NLGN1: variants seen among roughly 807,000 people sequenced by gnomAD.
The protein encoded by NLGN1 is neuroligin-1.
A neutral mutation model predicts 65.5 loss-of-function variants in NLGN1; 12 were observed. That is an observed-to-expected ratio of 0.18 (90% CI 0.12 to 0.30). NLGN1 has a LOEUF of 0.30. Among genes scored for constraint, NLGN1 ranks in the 10% least tolerant of loss-of-function variants. The pLI is 1.00. For synonymous variants in NLGN1, 350 were observed against 359.5 expected, an observed-to-expected ratio of 0.97 and a Z score of 0.30; for missense variants, 750 against 1,007.1, an observed-to-expected ratio of 0.74 and a Z score of 3.46.
At chr3:174,254,984 C>T (rs1237436218) in intron 4 of NLGN1, among the ~76,000 whole-genome samples, 1 of 152,094 alleles carries the variant, frequency 6.6e-6, no homozygotes, top group Non-Finnish European at 1.5e-5. Context: ...ATTTATGATA[C>T]ACCTACTATA....
chr3:174,175,448 C>A (rs1006733047), intron 4 of NLGN1, among the ~76,000 whole-genome samples: 1 of 151,832 alleles, frequency 6.6e-6, no homozygotes, highest in Non-Finnish European at 1.5e-5. Flanking sequence ...GTAAATATAG[C>A]TACTCCTGCT....
chr3:173,915,302 G>A lies in NLGN1; in HGVS notation c.646+107470G>A, dbSNP rs73035464. ...TCAGATTTTATGACCTACATCTCAT[G>A]AGTAACCAGCCCCTTTGCATATGAG... On this transcript the variant is annotated intron_variant, in intron 4 of 6. Coordinates refer to ENST00000457714, the Ensembl canonical transcript of NLGN1. Among the ~76,000 whole-genome samples, 286 of 152,254 alleles carry A rather than the reference G, an allele frequency of 1.9e-3. 1 individual carries two copies. The highest frequency in any genetic ancestry group is 6.8e-3 in the Middle Eastern group (2 of 294).
Position 173,681,813 on chromosome 3 carries a change from A to G in NLGN1, c.493+76722A>G, listed in dbSNP as rs563230195. Among the ~76,000 whole-genome samples the G allele has an allele frequency of 4.6e-5, 7 of 152,344 alleles. No individual in the cohort carries two copies. The East Asian group carries it at 1.2e-3, about 25-fold the overall frequency. On this transcript the variant is annotated intron_variant, in intron 3 of 6. Coordinates refer to ENST00000457714, the Ensembl canonical transcript of NLGN1. ...ATCAAATTGAATGTGTAGTCATATGATGCCATCAATACAGTGCTAATAAAT... is the reference window on the plus strand; with the variant it reads ...ATCAAATTGAATGTGTAGTCATATGGTGCCATCAATACAGTGCTAATAAAT...
intron 2 of NLGN1, among the ~76,000 whole-genome samples, chr3:173,496,004 CT>C (rs772166688): frequency 6.6e-5 from 10 of 150,970 alleles, no homozygotes; most frequent in Middle Eastern, 6.8e-3. Flanking sequence ...ATTTTCAATT[CT>C]TTTTTTTTAT....
chr3:173,603,215 A>G (rs1185543284), intron 2 of NLGN1, among the ~76,000 whole-genome samples: 1 of 152,162 alleles, frequency 6.6e-6, no homozygotes, highest in Non-Finnish European at 1.5e-5. Flanking sequence ...GCACTTCAAA[A>G]GGTTGCTTGA....
In NLGN1 at chr3:173,662,540, A is replaced by G. The variant is rs535549711; in HGVS notation, c.493+57449A>G. Among the ~76,000 whole-genome samples, 38 of 152,134 alleles carry G rather than the reference A, an allele frequency of 2.5e-4. 2 individuals are homozygous for G. The highest frequency in any genetic ancestry group is 8.4e-4 in the African/African-American group (35 of 41,558). ...ATTTATCCATTTGAAGTATCTGTGT[A>G]TTTCAAGATGGCTCTGTTGTTTTCT... On this transcript the variant is annotated intron_variant, in intron 3 of 6. Transcript: ENST00000457714.
intron 4 of NLGN1, among the ~76,000 whole-genome samples, chr3:174,095,387 G>A (rs9873649): frequency 0.11 from 16,115 of 151,888 alleles, 1,635 homozygotes; most frequent in African/African-American, 0.26. Flanking sequence ...TTCCCAGAAA[G>A]TCACTAGCAG....
At chr3:173,706,837 GCA>G (rs149787928) in intron 3 of NLGN1, among the ~76,000 whole-genome samples, 1 of 152,068 alleles carries the variant, frequency 6.6e-6, no homozygotes, top group East Asian at 1.9e-4. Context: ...GTGCACGCAC[GCA>G]CACACACACA....
At chr3:173,424,829 A>G (rs1715804589) in intron 1 of NLGN1, among the ~76,000 whole-genome samples, 1 of 152,172 alleles carries the variant, frequency 6.6e-6, no homozygotes, top group South Asian at 2.1e-4. Context: ...TGAGCCCTAC[A>G]AACGGTTCCA....
intron 3 of NLGN1, among the ~76,000 whole-genome samples, chr3:173,787,680 A>C (rs1056236548): frequency 1.3e-5 from 2 of 152,242 alleles, no homozygotes; most frequent in African/African-American, 4.8e-5. Context: ...TTAGATACTT[A>C]AATAAGCCTC....
At chr3:173,947,198 T>G (rs920841062) in intron 4 of NLGN1, among the ~76,000 whole-genome samples, 3 of 151,896 alleles carry the variant, frequency 2.0e-5, no homozygotes, top group Admixed American at 2.0e-4. Context: ...AATTTTGCAT[T>G]TTTAGTAGAG....
At chr3:173,898,970 G>A (rs190122306) in intron 4 of NLGN1, among the ~76,000 whole-genome samples, 1 of 152,052 alleles carries the variant, frequency 6.6e-6, no homozygotes, top group South Asian at 2.1e-4. Flanking sequence ...TTGATCTGGG[G>A]TAAGGAGTTA....
intron 3 of NLGN1, chr3:173,685,871 A>G (rs186684507): frequency 2.3e-6 from 2 of 870,278 alleles, no homozygotes; most frequent in East Asian, 2.4e-4. Flanking sequence ...TCTTACAATT[A>G]AAATAAAATT....
At chr3:173,937,079 C>A (rs1745200013) in intron 4 of NLGN1, among the ~76,000 whole-genome samples, 2 of 152,020 alleles carry the variant, frequency 1.3e-5, no homozygotes, top group Non-Finnish European at 1.5e-5. Context: ...CTTCTTCCAT[C>A]CCCCTCAGCT....
intron 4 of NLGN1, among the ~76,000 whole-genome samples, chr3:174,209,615 C>T (rs1252590022): frequency 7.6e-6 from 1 of 131,510 alleles, no homozygotes; most frequent in Non-Finnish European, 1.6e-5. Flanking sequence ...GTCTATCAAC[C>T]TTTCTTTCTT....
chr3:174,226,718 T>G (rs1356225697), intron 4 of NLGN1, among the ~76,000 whole-genome samples: 1 of 151,944 alleles, frequency 6.6e-6, no homozygotes, highest in Non-Finnish European at 1.5e-5. Flanking sequence ...AAAAGGGTTA[T>G]ATACCATCCA....
At chr3:173,602,274 A>T (rs1750667790) in intron 2 of NLGN1, among the ~76,000 whole-genome samples, 1 of 152,056 alleles carries the variant, frequency 6.6e-6, no homozygotes, top group African/African-American at 2.4e-5. Context: ...CTTTCTGTTT[A>T]GGCATATATT....
chr3:173,463,507 T>C (rs1309515592), intron 2 of NLGN1, among the ~76,000 whole-genome samples: 1 of 152,178 alleles, frequency 6.6e-6, no homozygotes, highest in Non-Finnish European at 1.5e-5. Context: ...TCTCTTGTAG[T>C]GTCTCTGCCA....
chr3:173,684,651 T>A (rs1399700504), intron 3 of NLGN1, among the ~76,000 whole-genome samples: 1 of 152,186 alleles, frequency 6.6e-6, no homozygotes, highest in Non-Finnish European at 1.5e-5. Context: ...TTACATCATA[T>A]TGGAAATGTC....
Sources: gnomAD v4.1 joint callset for allele counts (sites outside exome capture counted in the v4.1 genomes callset) on GRCh38, gnomAD v4.1.1 for gene constraint, MANE v1.5 for transcripts, NCBI Gene and HGNC (gene_info 2026-07-23, HGNC 2026-07-21) for gene names.